The following VIRMA variants were observed in gnomAD, a reference collection of about 807,000 sequenced individuals.
VIRMA encodes the protein protein virilizer homolog.
VIRMA carries 65 observed loss-of-function variants against 182.4 expected under a neutral mutation model. That is an observed-to-expected ratio of 0.36 (90% CI 0.29 to 0.44). VIRMA has a LOEUF of 0.44. VIRMA is among the 20% of genes least tolerant of loss of function. The pLI, the probability that VIRMA is intolerant of heterozygous loss-of-function variation, is 1.00. For synonymous variants in VIRMA, 709 were observed against 743.1 expected (o/e 0.95, Z 0.75); for missense variants, 1,752 against 2,158.1 (o/e 0.81, Z 3.73).
chr8:94,512,188 G>T, intron 11 of VIRMA, 99 bp from the exon 12 acceptor site: 1 of 413,648 alleles, frequency 2.4e-6, no homozygotes, highest in Non-Finnish European at 4.2e-6. Flanking sequence ...TGAGCTTCAA[G>T]TTAAGAACAT....
chr8:94,545,559 G>A (rs972452944), intron 1 of VIRMA, among the ~76,000 whole-genome samples: 6 of 152,082 alleles, frequency 3.9e-5, no homozygotes, highest in African/African-American at 1.4e-4. Flanking sequence ...TGCTAGTTCT[G>A]AGGCTACAAA....
chr8:94,531,118 T>C lies in VIRMA; in HGVS notation c.485-33A>G, dbSNP rs778821981. On this transcript the variant is annotated intron_variant, in intron 5 of 23. Transcript: ENST00000297591. The stretch of plus-strand genomic sequence containing the variant: ...TTTATGGGAGACAGAAAAAGAACTT[T>C]CAAATTACAGATGACCCCCGAACAA... 4.3e-5 allele frequency: 65 copies of C among 1,503,666 alleles called. No homozygotes were observed. In the Middle Eastern group the frequency reaches 1.5e-3, roughly 35 times the overall value. The allele number at this position is 1,503,666 out of a possible 1,614,324, so 93.1% of individuals were successfully genotyped here.
intron 11 of VIRMA, among the ~76,000 whole-genome samples, chr8:94,514,393 G>T (rs1017128036): frequency 6.6e-6 from 1 of 152,144 alleles, no homozygotes; most frequent in Non-Finnish European, 1.5e-5. Context: ...TAACTGTTAT[G>T]AATTATTTCA....
Position 94,527,378 on chromosome 8 carries a change from GAAT to G in VIRMA, c.881-18_881-16del, listed in dbSNP as rs1276117225. 12 of 1,467,356 alleles carry G rather than the reference GAAT, an allele frequency of 8.2e-6. No homozygotes were observed. The African/African-American group carries it at 8.4e-5, about 10-fold the overall frequency. The allele number at this position is 1,467,356 out of a possible 1,614,324, so 90.9% of individuals were successfully genotyped here. A position where few individuals can be genotyped will look rare whatever the true frequency, so the allele number is the denominator to read the frequency against. On this transcript the variant is annotated splice_polypyrimidine_tract_variant and intron_variant, in intron 7 of 23. Transcript: ENST00000297591. ...ACCATCATCCCCTGAAAATTAGTATGAATAATATTTAAGTATTACATCATCTTT... is the reference window on the plus strand; with the variant it reads ...ACCATCATCCCCTGAAAATTAGTATGAATATTTAAGTATTACATCATCTTT...
chr8:94,535,545 A>G (rs1815313197), intron 4 of VIRMA, among the ~76,000 whole-genome samples: 1 of 152,126 alleles, frequency 6.6e-6, no homozygotes, highest in Non-Finnish European at 1.5e-5. Context: ...AGCACTTTGG[A>G]AGGCTAAGGT....
chr8:94,534,717 TCCTCTCTC>T (rs1815277563), intron 5 of VIRMA, 114 bp downstream of exon 5: 9 of 1,137,462 alleles, frequency 7.9e-6, no homozygotes, highest in South Asian at 7.6e-5. Flanking sequence ...CCCCCTCTCT[TCCTCTCTC>T]CCTCTCAAGA....
intron 5 of VIRMA, chr8:94,534,217 T>C (rs1360443726): frequency 6.6e-6 from 1 of 152,246 alleles, no homozygotes; most frequent in African/African-American, 2.4e-5. Context: ...CCTAATAAAT[T>C]TTAAATGCAC....
chr8:94,553,211 C>A (rs1816067944), intron 1 of VIRMA, among the ~76,000 whole-genome samples, 174 bp downstream of exon 1: 1 of 152,164 alleles, frequency 6.6e-6, no homozygotes, highest in Admixed American at 6.5e-5. Context: ...AATGAAGGGG[C>A]TGCTGCAGCC....
At chr8:94,507,040 A>G (rs893148795) in intron 15 of VIRMA, among the ~76,000 whole-genome samples, 1 of 152,146 alleles carries the variant, frequency 6.6e-6, no homozygotes, top group Middle Eastern at 3.2e-3. Context: ...TTAAAGGTAA[A>G]AAGTATTTTG....
chr8:94,530,381 T>C (rs1288737719), intron 6 of VIRMA, among the ~76,000 whole-genome samples: 1 of 151,284 alleles, frequency 6.6e-6, no homozygotes, highest in East Asian at 1.9e-4. Flanking sequence ...CCTGTGGTCC[T>C]AGCCACTGGG....
chr8:94,512,012 TG>T lies in VIRMA; in HGVS notation c.2828del (p.Pro943HisfsTer12). On this transcript the variant is annotated frameshift_variant, in exon 12 of 24. Coordinates refer to ENST00000297591, the MANE Select transcript of VIRMA (RefSeq NM_015496.5). LOFTEE classifies it high-confidence loss of function. ...ALRVLCNVAC[P>X]PPPVEGQQKD... ...CCACATTACCTTCAACAGGAGGTGG[TG>T]GGCATGCAACATTACAGAGAACACG... 6.5e-7 allele frequency: 1 copy of T among 1,527,776 alleles called. No individual in the cohort carries two copies. Among genetic ancestry groups the T allele is most frequent in the Non-Finnish European group, 8.8e-7 (1 of 1,135,316 alleles). 94.6% of individuals were successfully genotyped at this position (1,527,776 alleles called of 1,614,324 possible).
At chr8:94,539,531 C>T (rs542313891) in intron 2 of VIRMA, among the ~76,000 whole-genome samples, 3 of 152,244 alleles carry the variant, frequency 2.0e-5, no homozygotes, top group South Asian at 4.1e-4. Context: ...ATACTTTATT[C>T]TTGTTCATTT....
intron 6 of VIRMA, among the ~76,000 whole-genome samples, chr8:94,530,417 AACCCG>A (rs1563475590): frequency 6.6e-6 from 1 of 151,648 alleles, no homozygotes. Context: ...GGATTTCTTG[AACCCG>A]GGAATTCAAG....
At position 94,519,309 on chromosome 8, in the gene VIRMA, A is replaced by T; in HGVS notation, c.2189T>A (p.Leu730Ter). The T allele has an allele frequency of 6.2e-7, 1 of 1,613,004 alleles. No individual in the cohort carries two copies. Among genetic ancestry groups the T allele is most frequent in the South Asian group, 1.1e-5 (1 of 90,748 alleles). ...FFMSEYEATN[L>*]LIRALCHFYD... Reference sequence around the variant, plus strand: ...AAAGTGACACAGAGCTCGGATCAATAAATTTGTTGCTTCATATTCCGACAT... The same window carrying T: ...AAAGTGACACAGAGCTCGGATCAATTAATTTGTTGCTTCATATTCCGACAT... Residue 730 changes from leucine to a stop codon, truncating the protein, a stop_gained, in exon 9 of 24, where the codon TTA becomes TAA. Transcript: ENST00000297591. LOFTEE classifies it high-confidence loss of function.
rs376386923 is a variant in VIRMA, at chr8:94,488,722, C to A, written c.5423G>T (p.Arg1808Leu). 2 of 1,613,950 alleles carry A rather than the reference C, an allele frequency of 1.2e-6. No homozygotes were observed. The highest frequency in any genetic ancestry group is 1.3e-5 in the African/African-American group (1 of 74,892). ...SGGSGRGRHV[R>L]SFTR ...AAAGGATTTTTATCGTGTAAAGGAG[C>A]GTACATGACGACCTCTACCACTGCC... is the stretch of plus-strand genomic sequence containing the variant. Residue 1808 changes from arginine to leucine, a missense_variant, in exon 24 of 24, where the codon CGC (arginine) becomes CTC (leucine). By Grantham distance (102) the Arg-to-Leu change is moderately radical. Coordinates refer to ENST00000297591, the MANE Select transcript of VIRMA (RefSeq NM_015496.5).
chr8:94,553,254 G>A (rs960197624), intron 1 of VIRMA, 131 bp downstream of exon 1: 1 of 877,654 alleles, frequency 1.1e-6, no homozygotes, highest in Non-Finnish European at 1.9e-6. Context: ...ACAGCTCGGG[G>A]GAGGGTGTCT....
chr8:94,542,463 C>T lies in VIRMA; in HGVS notation c.179+1364G>A, dbSNP rs149141147. Among the ~76,000 whole-genome samples the T allele has an allele frequency of 3.3e-3, 510 of 152,288 alleles. 1 individual carries two copies. The highest frequency in any genetic ancestry group is 0.012 in the African/African-American group (493 of 41,546). Reference sequence around the variant, plus strand: ...AGAACCTGAGCCAGCTAAGCGACTCCCAGAATCCTGACCCTCAGAAACAAT... The same window carrying T: ...AGAACCTGAGCCAGCTAAGCGACTCTCAGAATCCTGACCCTCAGAAACAAT... On this transcript the variant is annotated intron_variant, in intron 2 of 23. Coordinates refer to ENST00000297591, the MANE Select transcript of VIRMA (RefSeq NM_015496.5).
At chr8:94,525,802 G>A (rs1384599947) in intron 8 of VIRMA, among the ~76,000 whole-genome samples, 1 of 152,166 alleles carries the variant, frequency 6.6e-6, no homozygotes, top group Non-Finnish European at 1.5e-5. Flanking sequence ...TCTTTAACCA[G>A]CACTGTAAAA....
chr8:94,520,337 AT>A (rs1814719374), intron 8 of VIRMA, among the ~76,000 whole-genome samples: 1 of 152,010 alleles, frequency 6.6e-6, no homozygotes, highest in Non-Finnish European at 1.5e-5. Flanking sequence ...CTCTAAAAAA[AT>A]TTTTTAATTA....
Sources: allele counts gnomAD v4.1 joint callset (sites outside exome capture counted in the v4.1 genomes callset), GRCh38; gene constraint gnomAD v4.1.1; transcripts MANE v1.5; gene names NCBI Gene and HGNC (gene_info 2026-07-23, HGNC 2026-07-21).